TMTC1: variants seen among roughly 807,000 people sequenced by gnomAD.
The protein encoded by TMTC1 is transmembrane O-mannosyltransferase targeting cadherins 1, also known as protein O-mannosyl-transferase TMTC1.
In TMTC1, 73 loss-of-function variants were observed where a neutral mutation model predicts 104.8. That is an observed-to-expected ratio of 0.70 (90% CI 0.58 to 0.85). The LOEUF is 0.85. TMTC1 is among the 40% of genes least tolerant of loss of function. The probability of loss-of-function intolerance (pLI) is 0.00; values close to 1 mark genes in which losing one functional copy is unlikely to be tolerated. For synonymous variants in TMTC1, 434 were observed against 428.7 expected, an observed-to-expected ratio of 1.01 and a Z score of -0.15; for missense variants, 1,035 against 1,096.1, an observed-to-expected ratio of 0.94 and a Z score of 0.79.
At chr12:29,760,801 T>C (rs1943326688) in intron 2 of TMTC1, among the ~76,000 whole-genome samples, 1 of 150,464 alleles carries the variant, frequency 6.6e-6, no homozygotes, top group Non-Finnish European at 1.5e-5. Context: ...TTTATTCTAA[T>C]GTATATTATA....
chr12:29,692,326 T>C (rs1299051430), intron 5 of TMTC1, among the ~76,000 whole-genome samples: 2 of 145,136 alleles, frequency 1.4e-5, no homozygotes, highest in African/African-American at 5.1e-5. Flanking sequence ...GTTTGTTCTA[T>C]GCCATGCTTG....
rs543896915 is a variant in TMTC1 at position 29,560,585 on chromosome 12, C to G, written c.1533-3585G>C. ...ACCAGCCTGGACAACATGGCGAAAC[C>G]CTGTCTCTACAAAAAAATAAAAATA... On this transcript the variant is annotated intron_variant, in intron 9 of 17. Coordinates refer to ENST00000539277, the MANE Select transcript of TMTC1 (RefSeq NM_001193451.2). Among the ~76,000 whole-genome samples the G allele has an allele frequency of 2.6e-4, 39 of 151,788 alleles. 1 individual carries two copies. The highest frequency in any genetic ancestry group is 7.0e-4 in the African/African-American group (29 of 41,372).
intron 5 of TMTC1, among the ~76,000 whole-genome samples, chr12:29,695,594 C>T (rs1035532744): frequency 6.0e-5 from 9 of 151,242 alleles, no homozygotes; most frequent in Admixed American, 2.6e-4. Flanking sequence ...CGTGAGCCAC[C>T]GCGCCAGGCC....
chr12:29,556,805 G>T, intron 10 of TMTC1, 52 bp downstream of exon 10: 1 of 1,608,970 alleles, frequency 6.2e-7, no homozygotes, highest in East Asian at 2.2e-5. Flanking sequence ...GAGAAGGAAA[G>T]AGTTTCTTGG....
At chr12:29,682,744 T>C (rs528107582) in intron 5 of TMTC1, among the ~76,000 whole-genome samples, 1 of 152,022 alleles carries the variant, frequency 6.6e-6, no homozygotes, top group African/African-American at 2.4e-5. Flanking sequence ...GGACTTAGAG[T>C]TGGTTGTGGG....
intron 5 of TMTC1, among the ~76,000 whole-genome samples, chr12:29,706,425 C>T (rs996272285): frequency 4.6e-5 from 7 of 152,172 alleles, no homozygotes; most frequent in Non-Finnish European, 8.8e-5. Flanking sequence ...AACCATTGCA[C>T]GCTCATTTTA....
chr12:29,668,234 G>T (rs1335786863), intron 5 of TMTC1, among the ~76,000 whole-genome samples: 1 of 152,120 alleles, frequency 6.6e-6, no homozygotes, highest in Non-Finnish European at 1.5e-5. Context: ...CAAGATCAAG[G>T]CACCAGCATC....
intron 8 of TMTC1, among the ~76,000 whole-genome samples, chr12:29,582,501 C>T (rs1315629862): frequency 6.6e-6 from 1 of 152,186 alleles, no homozygotes; most frequent in Non-Finnish European, 1.5e-5. Context: ...TTGATGTGTA[C>T]ATCCAAAAAC....
chr12:29,648,164 A>T lies in TMTC1; in HGVS notation c.939-14828T>A, dbSNP rs976788020. On this transcript the variant is annotated intron_variant, in intron 5 of 17. Coordinates refer to ENST00000539277, the MANE Select transcript of TMTC1 (RefSeq NM_001193451.2). ...ACAGGTTACACATAAAATCTATTCC[A>T]TCACTTTTCAAATGCAAGTCCATAA... Among the ~76,000 whole-genome samples, 7 of 152,340 alleles carry T rather than the reference A, an allele frequency of 4.6e-5. No homozygotes were observed. The East Asian group carries it at 1.3e-3, about 29-fold the overall frequency.
At position 29,554,169 on chromosome 12, in the gene TMTC1, C is replaced by T. The variant is rs182123924; in HGVS notation, c.1676+2688G>A. Among the ~76,000 whole-genome samples the T allele has an allele frequency of 6.1e-3, 935 of 152,252 alleles. 4 individuals carry two copies. Among genetic ancestry groups the T allele is most frequent in the Non-Finnish European group, 8.0e-3 (545 of 68,012 alleles). ...CCTTAGAACTTCACATAAAGAAATACGTGCTCATAAAAGTAGCAGAGTGAA... is the reference window on the plus strand; with the variant it reads ...CCTTAGAACTTCACATAAAGAAATATGTGCTCATAAAAGTAGCAGAGTGAA... On this transcript the variant is annotated intron_variant, in intron 10 of 17. Transcript: ENST00000539277.
At chr12:29,508,901 A>G (rs1454374382) in intron 17 of TMTC1, among the ~76,000 whole-genome samples, 1 of 152,154 alleles carries the variant, frequency 6.6e-6, no homozygotes, top group African/African-American at 2.4e-5. Context: ...TTAAAAAATA[A>G]TTATATCCTT....
At chr12:29,533,688 G>GA (rs1160696858) in intron 11 of TMTC1, 2 of 152,060 alleles carry the variant, frequency 1.3e-5, no homozygotes, top group Non-Finnish European at 2.9e-5. Context: ...TTTTAAAATC[G>GA]AAAACACAAA....
intron 10 of TMTC1, among the ~76,000 whole-genome samples, chr12:29,550,299 C>A (rs1945059746): frequency 6.6e-6 from 1 of 152,054 alleles, no homozygotes; most frequent in African/African-American, 2.4e-5. Flanking sequence ...TGAAATACAT[C>A]AGATAAATTA....
chr12:29,681,859 T>C (rs1239144372), intron 5 of TMTC1, among the ~76,000 whole-genome samples: 2 of 152,358 alleles, frequency 1.3e-5, no homozygotes, highest in Middle Eastern at 3.4e-3. Flanking sequence ...TAATTGCCCA[T>C]TTAATGATAT....
intron 6 of TMTC1, among the ~76,000 whole-genome samples, chr12:29,609,388 C>G (rs1358246999): frequency 6.6e-6 from 1 of 152,138 alleles, no homozygotes. Context: ...CTTTTTATAT[C>G]TGTTTTTGGG....
Position 29,514,463 on chromosome 12 carries a change from TTTTATGATGAG to T in TMTC1, c.2430+8_2430+18del. On this transcript the variant is annotated splice_region_variant and intron_variant, in intron 16 of 17. Coordinates refer to ENST00000539277, the MANE Select transcript of TMTC1 (RefSeq NM_001193451.2). ...TTAATCTGTGAATTTGATGATATAA[TTTTATGATGAG>T]TTTATACCTCAAAAGCTTTGTCGAG... is the stretch of plus-strand genomic sequence containing the variant. 6.3e-7 allele frequency: 1 copy of T among 1,594,858 alleles called. No homozygotes were observed. The highest frequency in any genetic ancestry group is 8.5e-7 in the Non-Finnish European group (1 of 1,173,838).
chr12:29,627,615 T>C (rs139320872), intron 6 of TMTC1, among the ~76,000 whole-genome samples: 253 of 149,922 alleles, frequency 1.7e-3, no homozygotes, highest in African/African-American at 5.6e-3. Context: ...TTATATGCTA[T>C]AGAGAAATGA....
chr12:29,621,256 C>A (rs989960647), intron 6 of TMTC1, among the ~76,000 whole-genome samples: 1 of 152,172 alleles, frequency 6.6e-6, no homozygotes, highest in African/African-American at 2.4e-5. Flanking sequence ...GCTTATTTTA[C>A]CAGGTTTATA....
chr12:29,749,252 G>C (rs1180681685), intron 5 of TMTC1, among the ~76,000 whole-genome samples: 1 of 151,284 alleles, frequency 6.6e-6, no homozygotes, highest in Non-Finnish European at 1.5e-5. Flanking sequence ...ACACACGTCT[G>C]AAAAGAAAAA....
Sources: allele counts gnomAD v4.1 joint callset (sites outside exome capture counted in the v4.1 genomes callset), GRCh38; gene constraint gnomAD v4.1.1; transcripts MANE v1.5; gene names NCBI Gene and HGNC (gene_info 2026-07-23, HGNC 2026-07-21).